The following LAMTOR2 variants were observed in gnomAD, a reference collection of about 807,000 sequenced individuals.
The protein encoded by LAMTOR2 is late endosomal/lysosomal adaptor, MAPK and MTOR activator 2, also known as ragulator complex protein LAMTOR2.
LAMTOR2 carries 4 observed loss-of-function variants against 15.8 expected under a neutral mutation model. The ratio of observed to expected loss-of-function variants is 0.25; its 90% CI spans 0.12 to 0.58. The LOEUF is 0.58. LAMTOR2 is among the 20% of genes least tolerant of loss of function. The probability of loss-of-function intolerance (pLI) is 0.91; values close to 1 mark genes in which losing one functional copy is unlikely to be tolerated. For missense variants in LAMTOR2, 100 were observed against 161.0 expected, an observed-to-expected ratio of 0.62 and a Z score of 2.05; for synonymous variants, 62 against 64.1, an observed-to-expected ratio of 0.97 and a Z score of 0.15.
rs544813502 is a variant in LAMTOR2 at position 156,054,786 on chromosome 1, C to A, written c.-104C>A. Reference sequence around the variant, plus strand: ...GGCGAAGAAACTACAACTCCCAGGGCGTCCCGGAGCAGGCCAACGGGACTA... The same window carrying A: ...GGCGAAGAAACTACAACTCCCAGGGAGTCCCGGAGCAGGCCAACGGGACTA... On this transcript the variant is annotated 5_prime_UTR_variant, in exon 1 of 4. Transcript: ENST00000368305. The A allele has an allele frequency of 2.2e-5, 25 of 1,112,452 alleles. No individual in the cohort carries two copies. The East Asian group carries it at 3.0e-4, about 14-fold the overall frequency. 68.9% of individuals were successfully genotyped at this position (1,112,452 alleles called of 1,614,324 possible). A position where few individuals can be genotyped will look rare whatever the true frequency, so the allele number is the denominator to read the frequency against.
rs768289313 is a variant in LAMTOR2, at chr1:156,054,796, C to T, written c.-94C>T. On this transcript the variant is annotated 5_prime_UTR_variant, in exon 1 of 4. Coordinates refer to ENST00000368305, the MANE Select transcript of LAMTOR2 (RefSeq NM_014017.4). ...CTACAACTCCCAGGGCGTCCCGGAG[C>T]AGGCCAACGGGACTACGGGAAGCAG... 3.2e-6 allele frequency: 4 copies of T among 1,265,812 alleles called. No homozygotes were observed. The highest frequency in any genetic ancestry group is 4.5e-6 in the Non-Finnish European group (4 of 879,446). 78.4% of individuals were successfully genotyped at this position (1,265,812 alleles called of 1,614,324 possible). A position where few individuals can be genotyped will look rare whatever the true frequency, so the allele number is the denominator to read the frequency against.
At chr1:156,057,177 CAAA>C (rs1002332400) in intron 2 of LAMTOR2, among the ~76,000 whole-genome samples, 6 of 84,918 alleles carry the variant, frequency 7.1e-5, no homozygotes, top group Admixed American at 1.4e-4. Flanking sequence ...GACTCCATCT[CAAA>C]AAAAAAAAAA....
Position 156,054,818 on chromosome 1 carries a change from G to A in LAMTOR2, c.-72G>A, listed in dbSNP as rs1647268918. ...GAGCAGGCCAACGGGACTACGGGAA[G>A]CAGCGGGCAGCGGCCCGCGGGAGGC... On this transcript the variant is annotated 5_prime_UTR_variant, in exon 1 of 4. Coordinates refer to ENST00000368305, the MANE Select transcript of LAMTOR2 (RefSeq NM_014017.4). 2.7e-6 allele frequency: 4 copies of A among 1,479,256 alleles called. No individual in the cohort carries two copies. Among genetic ancestry groups the A allele is most frequent in the Non-Finnish European group, 3.7e-6 (4 of 1,066,832 alleles). 91.6% of individuals were successfully genotyped at this position (1,479,256 alleles called of 1,614,324 possible).
rs372062636 is a variant in LAMTOR2 at position 156,056,899 on chromosome 1, G to T, written c.232-1079G>T. On this transcript the variant is annotated intron_variant, in intron 2 of 3. Coordinates refer to ENST00000368305, the MANE Select transcript of LAMTOR2 (RefSeq NM_014017.4). ...AGCCATAAGAAATACATTTTAAGGG[G>T]CTGGGCATGGTGGCTCATGCCTGTA... Among the ~76,000 whole-genome samples the T allele has an allele frequency of 3.5e-4, 54 of 152,178 alleles. 1 individual carries two copies. Among genetic ancestry groups the T allele is most frequent in the African/African-American group, 1.2e-3 (50 of 41,440 alleles).
In LAMTOR2 at chr1:156,058,025, G is replaced by A; in HGVS notation, c.279G>A (p.Met93Ile). Residue 93 changes from methionine to isoleucine, a missense_variant, in exon 3 of 4, where the codon ATG becomes ATA. Physicochemically the swap from Met to Ile is conservative, Grantham distance 10. Coordinates refer to ENST00000368305, the MANE Select transcript of LAMTOR2 (RefSeq NM_014017.4). The stretch of plus-strand genomic sequence containing the variant: ...GAGTGGCCAACCTTCTGCTGTGTAT[G>A]TATGCCAAGGAGACCGTGGGCTTTG... Reference protein sequence around the residue: ...ITRVANLLLCMYAKETVGFGM... With the variant: ...ITRVANLLLCIYAKETVGFGM... 6.2e-7 allele frequency: 1 copy of A among 1,614,176 alleles called. No individual in the cohort carries two copies. Among genetic ancestry groups the A allele is most frequent in the African/African-American group, 1.3e-5 (1 of 75,040 alleles).
chr1:156,058,344 G>A lies in LAMTOR2; in HGVS notation c.351G>A (p.Glu117=). Residue 117 remains glutamate, a synonymous_variant, in exon 4 of 4, where the codon GAG becomes GAA. Coordinates refer to ENST00000368305, the MANE Select transcript of LAMTOR2 (RefSeq NM_014017.4). ...KAQALVQYLE[E]PLTQVAAS ...AGGCTTTGGTGCAGTACCTGGAGGA[G>A]CCCCTCACCCAAGTGGCGGCATCTT... 1 of 1,614,090 alleles carries A rather than the reference G, an allele frequency of 6.2e-7. No homozygotes were observed. The highest frequency in any genetic ancestry group is 8.5e-7 in the Non-Finnish European group (1 of 1,180,000).
Position 156,054,939 on chromosome 1 carries a change from G to T in LAMTOR2, c.50G>T (p.Gly17Val). The change falls in exon 1 of 4, where the codon GGA (glycine) becomes GTA (valine). Residue 17 changes from glycine (G) to valine (V), a missense_variant. Coordinates refer to ENST00000368305, the MANE Select transcript of LAMTOR2 (RefSeq NM_014017.4). ...CAGGTGCTAAGCCAAGCCAACACTG[G>T]AGGCGTCCAGAGCACCCTGTGAGTG... ...LTQVLSQANT[G>V]GVQSTLLLNN... 6.2e-7 allele frequency: 1 copy of T among 1,612,620 alleles called. No homozygotes were observed.
chr1:156,055,652 C>A lies in LAMTOR2; in HGVS notation c.231+227C>A. The A allele has an allele frequency of 1.7e-6, 1 of 580,912 alleles. No individual in the cohort carries two copies. The highest frequency in any genetic ancestry group is 3.1e-6 in the Non-Finnish European group (1 of 325,244). The allele number at this position is 580,912 out of a possible 1,614,324, so 36.0% of individuals were successfully genotyped here. A position where few individuals can be genotyped will look rare whatever the true frequency, so the allele number is the denominator to read the frequency against. ...GACTTGGGTTCTGGTCTCAGCCATC[C>A]ACTTATCAGTTGTGGAACCTTGGGT... On this transcript the variant is annotated intron_variant, in intron 2 of 3. Coordinates refer to ENST00000368305, the MANE Select transcript of LAMTOR2 (RefSeq NM_014017.4). The surrounding 1 kb of genome is among the most constrained non-coding windows in gnomAD (Gnocchi z 4.8).
At chr1:156,058,161 C>T (rs992580275) in intron 3 of LAMTOR2, 94 bp downstream of exon 3, 5 of 1,496,292 alleles carry the variant, frequency 3.3e-6, no homozygotes, top group Admixed American at 1.7e-5. Context: ...CTAGAGTTCT[C>T]ATGTCTACTC....
At chr1:156,057,442 T>C (rs1647410764) in intron 2 of LAMTOR2, among the ~76,000 whole-genome samples, 1 of 152,154 alleles carries the variant, frequency 6.6e-6, no homozygotes, top group Non-Finnish European at 1.5e-5. Context: ...GAAACAATAC[T>C]TTTCCTACTA....
Position 156,055,670 on chromosome 1 carries a change from C to A in LAMTOR2, c.231+245C>A. 1.8e-6 allele frequency: 1 copy of A among 555,428 alleles called. No homozygotes were observed. The highest frequency in any genetic ancestry group is 3.2e-6 in the Non-Finnish European group (1 of 309,144). 34.4% of individuals were successfully genotyped at this position (555,428 alleles called of 1,614,324 possible). A position where few individuals can be genotyped will look rare whatever the true frequency, so the allele number is the denominator to read the frequency against. Reference sequence around the variant, plus strand: ...AGCCATCCACTTATCAGTTGTGGAACCTTGGGTAAGTCGCTTAACCTCTCT... The same window carrying A: ...AGCCATCCACTTATCAGTTGTGGAAACTTGGGTAAGTCGCTTAACCTCTCT... On this transcript the variant is annotated intron_variant, in intron 2 of 3. Transcript: ENST00000368305. The surrounding 1 kb of genome is among the most constrained non-coding windows in gnomAD (Gnocchi z 4.8).
At chr1:156,056,239 C>T (rs952085957) in intron 2 of LAMTOR2, among the ~76,000 whole-genome samples, 1 of 151,992 alleles carries the variant, frequency 6.6e-6, no homozygotes, top group Non-Finnish European at 1.5e-5. Flanking sequence ...CTGGCTCAAG[C>T]GATCTACCCA....
At chr1:156,054,978 C>A in intron 1 of LAMTOR2, 21 bp downstream of exon 1, 1 of 1,607,034 alleles carries the variant, frequency 6.2e-7, no homozygotes, top group Non-Finnish European at 8.5e-7. Flanking sequence ...ACCACGGACC[C>A]GAGCGGCGAG....
At position 156,058,010 on chromosome 1, in the gene LAMTOR2, C is replaced by G; in HGVS notation, c.264C>G (p.Asn88Lys). The G allele has an allele frequency of 6.2e-7, 1 of 1,614,148 alleles. No individual in the cohort carries two copies. Among genetic ancestry groups the G allele is most frequent in the Non-Finnish European group, 8.5e-7 (1 of 1,180,030 alleles). Residue 88 changes from asparagine to lysine, a missense_variant, in exon 3 of 4, where the codon AAC (asparagine) becomes AAG (lysine). Coordinates refer to ENST00000368305, the MANE Select transcript of LAMTOR2 (RefSeq NM_014017.4). ...EGRVAITRVA[N>K]LLLCMYAKET... Reference sequence around the variant, plus strand: ...GTGTAGCCATCACCCGAGTGGCCAACCTTCTGCTGTGTATGTATGCCAAGG... The same window carrying G: ...GTGTAGCCATCACCCGAGTGGCCAAGCTTCTGCTGTGTATGTATGCCAAGG...
intron 3 of LAMTOR2, 49 bp from the exon 4 acceptor site, chr1:156,058,266 C>A (rs748948235): frequency 1.9e-6 from 3 of 1,612,280 alleles, no homozygotes; most frequent in African/African-American, 2.7e-5. Context: ...GATTTGGGGT[C>A]CCTAATGCCA....
intron 2 of LAMTOR2, 27 bp from the exon 3 acceptor site, chr1:156,057,951 C>G: frequency 6.2e-7 from 1 of 1,607,462 alleles, no homozygotes; most frequent in Non-Finnish European, 8.5e-7. Flanking sequence ...AGCAGAACAT[C>G]ACATCCCATC....
At position 156,058,383 on chromosome 1, in the gene LAMTOR2, G is replaced by A; in HGVS notation, c.*12G>A. On this transcript the variant is annotated 3_prime_UTR_variant, in exon 4 of 4. Coordinates refer to ENST00000368305, the MANE Select transcript of LAMTOR2 (RefSeq NM_014017.4). ...TGGCGGCATCTTAACGGCATTGGTG[G>A]AAGCTGGGGTCAGAAAAGAGAAATG... is the stretch of plus-strand genomic sequence containing the variant. 6.2e-7 allele frequency: 1 copy of A among 1,614,146 alleles called. No individual in the cohort carries two copies. The highest frequency in any genetic ancestry group is 1.1e-5 in the South Asian group (1 of 91,080).
Position 156,054,932 on chromosome 1 carries a change from A to G in LAMTOR2, c.43A>G (p.Asn15Asp), listed in dbSNP as rs760522881. The G allele has an allele frequency of 1.2e-6, 2 of 1,612,974 alleles. No homozygotes were observed. The highest frequency in any genetic ancestry group is 8.5e-7 in the Non-Finnish European group (1 of 1,179,836). The change falls in exon 1 of 4, where the codon AAC becomes GAC. Residue 15 changes from asparagine to aspartate, a missense_variant. By Grantham distance (23) the Asn-to-Asp change is conservative. Coordinates refer to ENST00000368305, the MANE Select transcript of LAMTOR2 (RefSeq NM_014017.4). ...TTTGACCCAGGTGCTAAGCCAAGCC[A>G]ACACTGGAGGCGTCCAGAGCACCCT... is the stretch of plus-strand genomic sequence containing the variant. ...KALTQVLSQA[N>D]TGGVQSTLLL...
In LAMTOR2 at chr1:156,054,979, G is replaced by C. The variant is rs566921632; in HGVS notation, c.68+22G>C. ...CCCTGTGAGTGCAGACCACGGACCC[G>C]AGCGGCGAGCGCTGCAGTGGGGCGG... On this transcript the variant is annotated intron_variant, in intron 1 of 3. Coordinates refer to ENST00000368305, the MANE Select transcript of LAMTOR2 (RefSeq NM_014017.4). 4.3e-5 allele frequency: 69 copies of C among 1,607,176 alleles called. 1 individual carries two copies. The South Asian group carries it at 7.1e-4, about 16-fold the overall frequency.
Sources: allele counts gnomAD v4.1 joint callset (sites outside exome capture counted in the v4.1 genomes callset), GRCh38; gene constraint gnomAD v4.1.1; non-coding constraint Gnocchi (gnomAD v3.1); transcripts MANE v1.5; gene names NCBI Gene and HGNC (gene_info 2026-07-23, HGNC 2026-07-21).